CPD: variants seen among roughly 807,000 people sequenced by gnomAD.
CPD encodes metallocarboxypeptidase D.
CPD carries 69 observed loss-of-function variants against 138.3 expected under a neutral mutation model. That is an observed-to-expected ratio of 0.50 (90% CI 0.41 to 0.61). The LOEUF (loss-of-function observed/expected upper bound fraction) is 0.61. Among genes scored for constraint, CPD ranks in the 20% least tolerant of loss-of-function variants. CPD has a pLI of 0.00. For synonymous variants in CPD, 651 were observed against 642.1 expected (o/e 1.01, Z -0.21); for missense variants, 1,432 against 1,733.3 (o/e 0.83, Z 3.09).
rs746849352 is a variant in CPD, at chr17:30,462,029, C to T, written c.3783C>T (p.Ala1261=). 6.2e-7 allele frequency: 1 copy of T among 1,613,128 alleles called. No homozygotes were observed. Among genetic ancestry groups the T allele is most frequent in the East Asian group, 2.2e-5 (1 of 44,850 alleles). ...CGCCAGGTGTCCATAACATTATTGCCATCGCTGATGGGTACCAGCAACAAC... is the reference window on the plus strand; with the variant it reads ...CGCCAGGTGTCCATAACATTATTGCTATCGCTGATGGGTACCAGCAACAAC... The part of the protein sequence containing the change: ...LLAPGVHNII[A]IADGYQQQHS... Residue 1261 remains alanine, a synonymous_variant, in exon 19 of 21, where the codon GCC becomes GCT. Coordinates refer to ENST00000225719, the MANE Select transcript of CPD (RefSeq NM_001304.5).
chr17:30,466,794 CTT>C lies in CPD; in HGVS notation c.*1981_*1982del, dbSNP rs1205619874. ...GGATACCTTTTACATGTACTTCTCTCTTGGATCAAATATGTCTTTAACTGTAC... is the reference window on the plus strand; with the variant it reads ...GGATACCTTTTACATGTACTTCTCTCGGATCAAATATGTCTTTAACTGTAC... On this transcript the variant is annotated 3_prime_UTR_variant, in exon 21 of 21. Transcript: ENST00000225719. 6.6e-6 allele frequency: 1 copy of C among 152,414 alleles called. No homozygotes were observed. Among genetic ancestry groups the C allele is most frequent in the Non-Finnish European group, 1.5e-5 (1 of 68,004 alleles). The allele number at this position is 152,414 out of a possible 1,614,324, so 9.4% of individuals were successfully genotyped here. A position where few individuals can be genotyped will look rare whatever the true frequency, so the allele number is the denominator to read the frequency against.
chr17:30,449,894 C>T (rs1913123390), intron 13 of CPD, 146 bp downstream of exon 13: 1 of 643,834 alleles, frequency 1.6e-6, no homozygotes, highest in African/African-American at 1.9e-5. Flanking sequence ...TAAAAATGAA[C>T]CATCTTTGTA....
chr17:30,381,211 T>G (rs959974576), intron 1 of CPD, among the ~76,000 whole-genome samples: 2 of 152,208 alleles, frequency 1.3e-5, no homozygotes, highest in African/African-American at 4.8e-5. Context: ...AAATATGACT[T>G]TGACATACAC....
At chr17:30,451,964 T>C (rs1192676093) in intron 14 of CPD, 118 bp downstream of exon 14, 1 of 946,586 alleles carries the variant, frequency 1.1e-6, no homozygotes, top group East Asian at 2.7e-5. Context: ...GGGTTATGAA[T>C]GTGAGGTATA....
Position 30,443,966 on chromosome 17 carries a change from T to C in CPD, c.2538T>C (p.Ala846=). The part of the protein sequence containing the change: ...VPGTYKITAS[A]RGYNPVTKNV... ...GAACTTATAAAATCACAGCATCTGCTCGAGGGTGAGTGACTGAATGCTTTG... is the reference window on the plus strand; with the variant it reads ...GAACTTATAAAATCACAGCATCTGCCCGAGGGTGAGTGACTGAATGCTTTG... The change falls in exon 11 of 21, where the codon GCT becomes GCC. Residue 846 remains alanine, a synonymous_variant. Coordinates refer to ENST00000225719, the MANE Select transcript of CPD (RefSeq NM_001304.5). 1 of 1,613,700 alleles carries C rather than the reference T, an allele frequency of 6.2e-7. No individual in the cohort carries two copies. Among genetic ancestry groups the C allele is most frequent in the Non-Finnish European group, 8.5e-7 (1 of 1,179,754 alleles).
Position 30,427,384 on chromosome 17 carries a change from C to T in CPD, c.1850-7C>T. ...CTTATATTCAAATCCTTTATCATAT[C>T]ATACAGGAGATTCAATAAGTGTAAT... On this transcript the variant is annotated splice_region_variant and splice_polypyrimidine_tract_variant and intron_variant, in intron 6 of 20. Coordinates refer to ENST00000225719, the MANE Select transcript of CPD (RefSeq NM_001304.5). The T allele has an allele frequency of 6.2e-7, 1 of 1,612,022 alleles. No individual in the cohort carries two copies. The highest frequency in any genetic ancestry group is 8.5e-7 in the Non-Finnish European group (1 of 1,178,218).
chr17:30,451,955 G>T, intron 14 of CPD, 109 bp downstream of exon 14: 1 of 1,018,162 alleles, frequency 9.8e-7, no homozygotes. Flanking sequence ...TTCTTGTCTG[G>T]GTTATGAATG....
intron 1 of CPD, among the ~76,000 whole-genome samples, chr17:30,382,403 C>T (rs926161267): frequency 2.0e-5 from 3 of 152,098 alleles, no homozygotes; most frequent in African/African-American, 7.2e-5. Context: ...GTATGAGAAA[C>T]ATTTCAGAGA....
intron 2 of CPD, among the ~76,000 whole-genome samples, chr17:30,396,848 CCT>C (rs535890296): frequency 2.4e-4 from 36 of 149,896 alleles, no homozygotes; most frequent in African/African-American, 2.9e-4. Flanking sequence ...TTCTTTCCTT[CCT>C]CTCTCTCTCT....
chr17:30,427,644 G>T, intron 7 of CPD, 86 bp downstream of exon 7: 1 of 1,247,274 alleles, frequency 8.0e-7, no homozygotes. Context: ...GTAGTGTTAT[G>T]CTTTCTTAAA....
chr17:30,433,023 G>A (rs1407359600), intron 8 of CPD, among the ~76,000 whole-genome samples: 2 of 152,106 alleles, frequency 1.3e-5, no homozygotes, highest in African/African-American at 2.4e-5. Flanking sequence ...TATTGTTATT[G>A]GTTATATTGG....
At chr17:30,382,629 T>C (rs1171213097) in intron 1 of CPD, among the ~76,000 whole-genome samples, 1 of 152,226 alleles carries the variant, frequency 6.6e-6, no homozygotes, top group Non-Finnish European at 1.5e-5. Context: ...ATTGCAAATA[T>C]TTCATTGTTC....
chr17:30,404,839 T>G (rs1456976226), intron 2 of CPD, among the ~76,000 whole-genome samples: 1 of 152,150 alleles, frequency 6.6e-6, no homozygotes, highest in Middle Eastern at 3.2e-3. Flanking sequence ...GTTAAATCTT[T>G]TAGGTAGTTA....
chr17:30,451,575 AT>A (rs1419042634), intron 13 of CPD, 135 bp from the exon 14 acceptor site: 4 of 772,594 alleles, frequency 5.2e-6, no homozygotes, highest in Non-Finnish European at 7.8e-6. Flanking sequence ...TTAATTTTTT[AT>A]TTTTTCATTC....
rs544073154 is a variant in CPD, at chr17:30,421,967, G to A, written c.1307+134G>A. The A allele has an allele frequency of 4.0e-4, 291 of 721,408 alleles. 1 individual carries two copies. The highest frequency in any genetic ancestry group is 5.5e-4 in the Non-Finnish European group (250 of 457,736). The allele number at this position is 721,408 out of a possible 1,614,324, so 44.7% of individuals were successfully genotyped here. ...TTTTCCTTATTTTCTGATTTTTCTC[G>A]TTTTATAATAAGAAAATACTATTGT... On this transcript the variant is annotated intron_variant, in intron 4 of 20. Transcript: ENST00000225719.
chr17:30,390,004 C>T lies in CPD; in HGVS notation c.994+4768C>T, dbSNP rs374875296. 5.0e-4 allele frequency among the ~76,000 whole-genome samples: 76 copies of T among 151,794 alleles called. 1 individual carries two copies. The highest frequency in any genetic ancestry group is 1.6e-3 in the African/African-American group (68 of 41,392). Reference sequence around the variant, plus strand: ...TGACTAGGCATATATTCAAAAAACCCGGATGTCCTGGAGTAATTTTTTTTT... The same window carrying T: ...TGACTAGGCATATATTCAAAAAACCTGGATGTCCTGGAGTAATTTTTTTTT... On this transcript the variant is annotated intron_variant, in intron 2 of 20. Transcript: ENST00000225719.
chr17:30,382,174 A>G (rs1437700057), intron 1 of CPD, among the ~76,000 whole-genome samples: 3 of 152,148 alleles, frequency 2.0e-5, no homozygotes, highest in Admixed American at 6.5e-5. Flanking sequence ...GGGCTTATGT[A>G]TACATATCTA....
chr17:30,422,772 A>G lies in CPD; in HGVS notation c.1406A>G (p.Asp469Gly). 1 of 1,614,096 alleles carries G rather than the reference A, an allele frequency of 6.2e-7. No homozygotes were observed. Among genetic ancestry groups the G allele is most frequent in the Non-Finnish European group, 8.5e-7 (1 of 1,179,958 alleles). Residue 469 changes from aspartate to glycine, a missense_variant, in exon 5 of 21, where the codon GAC becomes GGC. Coordinates refer to ENST00000225719, the MANE Select transcript of CPD (RefSeq NM_001304.5). The stretch of plus-strand genomic sequence containing the variant: ...CCAACTGTAACTTCAGTAATCCCTG[A>G]CACGACAGAGGCTGTATCAACTGCT... ...LRPTVTSVIP[D>G]TTEAVSTAST...
chr17:30,405,262 G>T (rs1911775931), intron 2 of CPD, among the ~76,000 whole-genome samples: 1 of 152,104 alleles, frequency 6.6e-6, no homozygotes, highest in Non-Finnish European at 1.5e-5. Flanking sequence ...TGGGGGAATA[G>T]TCAATTATGT....
Sources: gnomAD v4.1 joint callset for allele counts (sites outside exome capture counted in the v4.1 genomes callset) on GRCh38, gnomAD v4.1.1 for gene constraint, MANE v1.5 for transcripts, NCBI Gene and HGNC (gene_info 2026-07-23, HGNC 2026-07-21) for gene names.